The following ZMYM1 variants were observed in gnomAD, a reference collection of about 807,000 sequenced individuals.
The protein encoded by ZMYM1 is zinc finger MYM-type protein 1.
ZMYM1 carries 39 observed loss-of-function variants against 60.0 expected under a neutral mutation model. That is an observed-to-expected ratio of 0.65 (90% CI 0.50 to 0.85). The LOEUF (loss-of-function observed/expected upper bound fraction) is 0.85. Ranked by LOEUF, ZMYM1 falls within the 40% of genes least tolerant of loss-of-function variation. ZMYM1 has a pLI of 0.00. For missense variants in ZMYM1, 1,171 were observed against 1,309.5 expected, an observed-to-expected ratio of 0.89 and a Z score of 1.63; for synonymous variants, 413 against 454.0, an observed-to-expected ratio of 0.91 and a Z score of 1.15.
At chr1:35,095,723 G>A in intron 2 of ZMYM1, 96 bp from the exon 3 acceptor site, 1 of 1,053,474 alleles carries the variant, frequency 9.5e-7, no homozygotes, top group Non-Finnish European at 1.4e-6. Context: ...TCATTGACCA[G>A]ACTTGACCAC....
At position 35,096,284 on chromosome 1, in the gene ZMYM1, C is replaced by T. The variant is rs1643313585; in HGVS notation, c.169+393C>T. ...CCAAGATTGCACCACTGCACTCCAG[C>T]CTGGGCAACAGAGCGAGACTCTGTC... On this transcript the variant is annotated intron_variant, in intron 3 of 9. Transcript: ENST00000359858. Among the ~76,000 whole-genome samples, 4 of 150,504 alleles carry T rather than the reference C, an allele frequency of 2.7e-5. No individual in the cohort carries two copies. The South Asian group carries it at 6.3e-4, about 24-fold the overall frequency.
chr1:35,112,762 T>G (rs1215938653), intron 9 of ZMYM1, among the ~76,000 whole-genome samples: 1 of 151,550 alleles, frequency 6.6e-6, no homozygotes, highest in Non-Finnish European at 1.5e-5. Context: ...AAAATTATTT[T>G]TATGACAATT....
intron 1 of ZMYM1, among the ~76,000 whole-genome samples, chr1:35,061,820 T>TTTTTTTTTTTTATTTATTTATTTA (rs372684642): frequency 6.9e-6 from 1 of 145,572 alleles, no homozygotes; most frequent in African/African-American, 2.7e-5. Flanking sequence ...TCCCTTTTAT[T>TTTTTTTTTTTTATTTATTTATTTA]TTTATTTATT....
intron 1 of ZMYM1, among the ~76,000 whole-genome samples, 174 bp from the exon 2 acceptor site, chr1:35,093,740 G>T (rs1014126098): frequency 6.6e-6 from 1 of 152,144 alleles, no homozygotes; most frequent in Non-Finnish European, 1.5e-5. Context: ...TACCAGAGAA[G>T]TATAGAGCAA....
At chr1:35,090,310 G>GT (rs1396714193) in intron 1 of ZMYM1, among the ~76,000 whole-genome samples, 1 of 152,060 alleles carries the variant, frequency 6.6e-6, no homozygotes, top group Non-Finnish European at 1.5e-5. Flanking sequence ...AGAATCAGAG[G>GT]TAACAGCTAC....
chr1:35,093,001 G>C (rs559672724), intron 1 of ZMYM1, among the ~76,000 whole-genome samples: 1 of 152,158 alleles, frequency 6.6e-6, no homozygotes, highest in Non-Finnish European at 1.5e-5. Context: ...TTGTGTTTTT[G>C]TGGAACACAA....
At chr1:35,096,970 C>T (rs1168169199) in intron 3 of ZMYM1, among the ~76,000 whole-genome samples, 2 of 152,252 alleles carry the variant, frequency 1.3e-5, no homozygotes, top group South Asian at 2.1e-4. Flanking sequence ...GGATTACAGG[C>T]GTTAGCCACC....
At chr1:35,067,175 C>T (rs1039020627) in intron 1 of ZMYM1, among the ~76,000 whole-genome samples, 7 of 152,078 alleles carry the variant, frequency 4.6e-5, no homozygotes, top group Non-Finnish European at 1.0e-4. Context: ...GATGGGATTT[C>T]ACCATGTTGA....
intron 4 of ZMYM1, among the ~76,000 whole-genome samples, chr1:35,101,439 TTC>T (rs1643652038): frequency 1.4e-5 from 2 of 147,634 alleles, no homozygotes; most frequent in Admixed American, 1.4e-4. Flanking sequence ...CTTTAGTAGA[TTC>T]TTAGAAGCCA....
chr1:35,090,050 C>T (rs1271501793), intron 1 of ZMYM1, among the ~76,000 whole-genome samples: 1 of 151,956 alleles, frequency 6.6e-6, no homozygotes, highest in African/African-American at 2.4e-5. Context: ...GGACTACAGA[C>T]ACCTGCCACC....
At chr1:35,100,132 C>G (rs539022963) in intron 4 of ZMYM1, among the ~76,000 whole-genome samples, 8 of 152,196 alleles carry the variant, frequency 5.3e-5, no homozygotes, top group Non-Finnish European at 1.0e-4. Context: ...CTCAGGTGAT[C>G]TGCTTTCCTC....
chr1:35,080,287 CCTT>C (rs1292365897), intron 1 of ZMYM1, among the ~76,000 whole-genome samples: 1 of 151,668 alleles, frequency 6.6e-6, no homozygotes, highest in African/African-American at 2.4e-5. Flanking sequence ...CAGTCCCACT[CCTT>C]CTAGTTCCCA....
At chr1:35,101,106 ATTC>A (rs1233857093) in intron 4 of ZMYM1, among the ~76,000 whole-genome samples, 1 of 104,740 alleles carries the variant, frequency 9.5e-6, no homozygotes, top group Admixed American at 1.1e-4. Flanking sequence ...CCCAGCCAAC[ATTC>A]TTTTTTTTTT....
intron 1 of ZMYM1, among the ~76,000 whole-genome samples, chr1:35,080,470 C>T (rs895243770): frequency 6.6e-6 from 1 of 152,056 alleles, no homozygotes; most frequent in African/African-American, 2.4e-5. Flanking sequence ...GTGCTCCCCA[C>T]TACGCCCAGC....
chr1:35,088,955 G>A (rs1642838063), intron 1 of ZMYM1, among the ~76,000 whole-genome samples: 2 of 151,670 alleles, frequency 1.3e-5, no homozygotes, highest in African/African-American at 4.8e-5. Flanking sequence ...GGGATTACAG[G>A]CGCCCACCAC....
At chr1:35,087,055 C>T (rs1038210054) in intron 1 of ZMYM1, among the ~76,000 whole-genome samples, 2 of 139,020 alleles carry the variant, frequency 1.4e-5, no homozygotes, top group African/African-American at 2.8e-5. Flanking sequence ...TGCAGTGGCA[C>T]GATCTCCACT....
chr1:35,071,941 C>T (rs1417857810), intron 1 of ZMYM1, among the ~76,000 whole-genome samples: 1 of 152,112 alleles, frequency 6.6e-6, no homozygotes, highest in African/African-American at 2.4e-5. Flanking sequence ...GAGTTCGAAC[C>T]AGCCTGACCA....
intron 4 of ZMYM1, among the ~76,000 whole-genome samples, chr1:35,100,274 A>G (rs1417952535): frequency 6.6e-6 from 1 of 152,052 alleles, no homozygotes; most frequent in African/African-American, 2.4e-5. Flanking sequence ...ATTCTATTTC[A>G]TGGACCAAAT....
chr1:35,063,619 C>T (rs1426157142), intron 1 of ZMYM1, among the ~76,000 whole-genome samples: 1 of 152,058 alleles, frequency 6.6e-6, no homozygotes, highest in Non-Finnish European at 1.5e-5. Context: ...TAAATTCTAT[C>T]GTCCGGAACC....
Sources: allele counts gnomAD v4.1 joint callset (sites outside exome capture counted in the v4.1 genomes callset), GRCh38; gene constraint gnomAD v4.1.1; transcripts MANE v1.5; gene names NCBI Gene and HGNC (gene_info 2026-07-23, HGNC 2026-07-21).